Variants in NLRP3 observed in about 807,000 individuals in gnomAD.
NLRP3 encodes NACHT, LRR and PYD domains-containing protein 3.
NLRP3 carries 48 observed loss-of-function variants against 91.3 expected under a neutral mutation model. The ratio of observed to expected loss-of-function variants is 0.53; its 90% CI spans 0.42 to 0.67. The LOEUF is 0.67. NLRP3 is among the 30% of genes least tolerant of loss of function. The probability of loss-of-function intolerance (pLI) is 0.00; values close to 1 mark genes in which losing one functional copy is unlikely to be tolerated. For missense variants in NLRP3, 982 were observed against 1,276.9 expected (o/e 0.77, Z 3.52); for synonymous variants, 561 against 507.9 (o/e 1.10, Z -1.41).
intron 7 of NLRP3, among the ~76,000 whole-genome samples, chr1:247,439,198 G>C (rs1664031802): frequency 6.6e-6 from 1 of 152,140 alleles, no homozygotes; most frequent in Admixed American, 6.5e-5. Context: ...TTTTCATGTT[G>C]CATTTGTAAT....
chr1:247,442,481 G>T (rs1664301081), intron 7 of NLRP3, among the ~76,000 whole-genome samples: 1 of 152,112 alleles, frequency 6.6e-6, no homozygotes, highest in African/African-American at 2.4e-5. Flanking sequence ...TTTGACTCAA[G>T]AATAGTACAT....
intron 1 of NLRP3, 50 bp from the exon 2 acceptor site, chr1:247,418,003 T>G (rs201277807): frequency 9.2e-5 from 14 of 152,266 alleles, no homozygotes; most frequent in African/African-American, 2.9e-4. Context: ...AGCCAGAGCC[T>G]TCAGTTTGGA....
At chr1:247,432,173 G>A (rs529759654) in intron 5 of NLRP3, among the ~76,000 whole-genome samples, 1 of 152,286 alleles carries the variant, frequency 6.6e-6, no homozygotes, top group East Asian at 1.9e-4. Flanking sequence ...GTGAGCCACC[G>A]TGCCCGGCCT....
intron 7 of NLRP3, among the ~76,000 whole-genome samples, chr1:247,437,667 A>G (rs553416973): frequency 6.6e-6 from 1 of 152,344 alleles, no homozygotes; most frequent in African/African-American, 2.4e-5. Context: ...AGCAGTGAGT[A>G]AAACAGACCA....
rs1662748039 is a variant in NLRP3 at position 247,424,825 on chromosome 1, G to A, written c.1376G>A (p.Gly459Asp). ...LQPRGGSQEH[G>D]LCAHLWGLCS... ...CCCCGGGGAGGGAGCCAGGAGCACG[G>A]CCTCTGCGCCCACCTCTGGGGGCTC... Residue 459 changes from glycine (G) to aspartate (D), a missense_variant, in exon 4 of 10, where the codon GGC becomes GAC. Gly to Asp is a moderately conservative substitution (Grantham distance 94). Coordinates refer to ENST00000336119, the MANE Select transcript of NLRP3 (RefSeq NM_001243133.2). This position sits in a 1 kb window ranked among gnomAD's most constrained non-coding sequence, Gnocchi z 8.1. The A allele has an allele frequency of 6.2e-7, 1 of 1,607,986 alleles. No homozygotes were observed.
At chr1:247,436,799 T>C (rs1210162002) in intron 7 of NLRP3, among the ~76,000 whole-genome samples, 2 of 152,252 alleles carry the variant, frequency 1.3e-5, no homozygotes, top group African/African-American at 2.4e-5. Context: ...GTTGGAATTC[T>C]GCAGTAAACA....
rs201776897 is a variant in NLRP3, at chr1:247,441,104, CCTTT to C, written c.2664-2861_2664-2858del. On this transcript the variant is annotated intron_variant, in intron 7 of 9. Transcript: ENST00000336119. ...TCCTTCCTTCCTTCTTCCTCCTCCTCCTTTCTTTCTCTCTTTTTCTTTTTCTCTT... is the reference window on the plus strand; with the variant it reads ...TCCTTCCTTCCTTCTTCCTCCTCCTCCTTTCTCTCTTTTTCTTTTTCTCTT... 6.8e-3 allele frequency among the ~76,000 whole-genome samples: 980 copies of C among 144,536 alleles called. 11 individuals are homozygous for C. Among genetic ancestry groups the C allele is most frequent in the Non-Finnish European group, 8.6e-3 (573 of 66,406 alleles). The allele number at this position is 144,536 out of a possible 152,430, so 94.8% of individuals were successfully genotyped here. A position where few individuals can be genotyped will look rare whatever the true frequency, so the allele number is the denominator to read the frequency against.
At chr1:247,439,987 AT>A (rs1664089798) in intron 7 of NLRP3, among the ~76,000 whole-genome samples, 1 of 152,200 alleles carries the variant, frequency 6.6e-6, no homozygotes. Context: ...ACTTTTATGC[AT>A]TTTATGTGTT....
chr1:247,431,554 C>A (rs896161407), intron 5 of NLRP3, among the ~76,000 whole-genome samples: 1 of 152,178 alleles, frequency 6.6e-6, no homozygotes, highest in Non-Finnish European at 1.5e-5. Context: ...ATCAGCTCCC[C>A]GGGGATGGGG....
chr1:247,423,743 C>G, intron 3 of NLRP3, 104 bp from the exon 4 acceptor site: 1 of 1,031,706 alleles, frequency 9.7e-7, no homozygotes, highest in Non-Finnish European at 1.5e-6. Flanking sequence ...CCTTCCATTT[C>G]TCCATTCCGG....
chr1:247,422,205 C>T (rs1232700330), intron 2 of NLRP3, among the ~76,000 whole-genome samples: 1 of 151,806 alleles, frequency 6.6e-6, no homozygotes, highest in Non-Finnish European at 1.5e-5. Flanking sequence ...ATAGTGAGAA[C>T]CTGTCTCTAC....
chr1:247,443,494 T>C (rs1180912606), intron 7 of NLRP3, among the ~76,000 whole-genome samples: 2 of 151,718 alleles, frequency 1.3e-5, no homozygotes, highest in Non-Finnish European at 2.9e-5. Context: ...GACGTTCACC[T>C]GTTGTCTTTG....
intron 7 of NLRP3, among the ~76,000 whole-genome samples, chr1:247,442,356 C>T (rs922284418): frequency 1.3e-5 from 2 of 152,180 alleles, no homozygotes; most frequent in East Asian, 1.9e-4. Flanking sequence ...AGGAAGGAGG[C>T]AATCACCTGC....
Position 247,433,371 on chromosome 1 carries a change from C to A in NLRP3, c.2322-732C>A, listed in dbSNP as rs185079449. ...GCGAGGGCAGTGCCGACTGCGGGCA[C>A]GTCAATGGTTAGGAACACGAGGGAA... On this transcript the variant is annotated intron_variant, in intron 5 of 9. Coordinates refer to ENST00000336119, the MANE Select transcript of NLRP3 (RefSeq NM_001243133.2). 1.4e-4 allele frequency among the ~76,000 whole-genome samples: 21 copies of A among 152,256 alleles called. No homozygotes were observed. The East Asian group carries it at 3.9e-3, about 28-fold the overall frequency.
chr1:247,432,491 CT>C (rs1157665303), intron 5 of NLRP3, among the ~76,000 whole-genome samples: 1 of 152,190 alleles, frequency 6.6e-6, no homozygotes, highest in Non-Finnish European at 1.5e-5. Context: ...CATCTTTGCT[CT>C]TTTGGTAAAT....
At chr1:247,444,601 TA>T in intron 8 of NLRP3, 49 bp from the exon 9 acceptor site, 1 of 1,598,174 alleles carries the variant, frequency 6.3e-7, no homozygotes, top group Non-Finnish European at 8.6e-7. Flanking sequence ...CTTGGGGAGC[TA>T]GGGGGATGGT....
intron 7 of NLRP3, among the ~76,000 whole-genome samples, chr1:247,438,127 G>A (rs1206432404): frequency 6.6e-6 from 1 of 152,312 alleles, no homozygotes; most frequent in East Asian, 1.9e-4. Flanking sequence ...CTCAGTTCAG[G>A]AGGCCAAAGT....
intron 2 of NLRP3, among the ~76,000 whole-genome samples, chr1:247,422,062 G>T (rs985426331): frequency 6.6e-6 from 1 of 152,102 alleles, no homozygotes; most frequent in Non-Finnish European, 1.5e-5. Context: ...TTGTGATATG[G>T]TTACCAAGTA....
At chr1:247,422,402 T>C (rs1203877857) in intron 2 of NLRP3, among the ~76,000 whole-genome samples, 1 of 149,972 alleles carries the variant, frequency 6.7e-6, no homozygotes, top group Non-Finnish European at 1.5e-5. Flanking sequence ...AAATCATTTA[T>C]GTTACTTGTA....
Sources: gnomAD v4.1 joint callset for allele counts (sites outside exome capture counted in the v4.1 genomes callset) on GRCh38, gnomAD v4.1.1 for gene constraint, Gnocchi (gnomAD v3.1) non-coding constraint, MANE v1.5 for transcripts, NCBI Gene and HGNC (gene_info 2026-07-23, HGNC 2026-07-21) for gene names.